TEX10: variants seen among roughly 807,000 people sequenced by gnomAD.
TEX10 encodes the protein testis expressed 10.
In TEX10, 24 loss-of-function variants were observed where a neutral mutation model predicts 104.4. The observed-to-expected ratio is 0.23, with a 90% confidence interval of 0.17 to 0.32. The LOEUF (loss-of-function observed/expected upper bound fraction) is 0.32. Ranked by LOEUF, TEX10 falls within the 10% of genes least tolerant of loss-of-function variation. The probability of loss-of-function intolerance (pLI) is 1.00; values close to 1 mark genes in which losing one functional copy is unlikely to be tolerated. For synonymous variants in TEX10, 396 were observed against 393.4 expected (o/e 1.01, Z -0.08); for missense variants, 921 against 1,083.9 (o/e 0.85, Z 2.11).
At chr9:100,335,571 G>T (rs907732608) in intron 5 of TEX10, among the ~76,000 whole-genome samples, 12 of 150,370 alleles carry the variant, frequency 8.0e-5, no homozygotes, top group South Asian at 4.2e-4. Context: ...AAACTGGCTT[G>T]TTTTTTTTTC....
rs1835378689 is a variant in TEX10, at chr9:100,349,227, T to C, written c.137A>G (p.Glu46Gly). The C allele has an allele frequency of 3.8e-6, 6 of 1,583,510 alleles. No homozygotes were observed. Among genetic ancestry groups the C allele is most frequent in the Non-Finnish European group, 5.1e-6 (6 of 1,170,072 alleles). ...KTIHLPEQLK[E>G]DGTLPTNNRK... ...ATTGTTTGTTGGAAGTGTTCCATCC[T>C]CTTTGAGTTGCTCAGGCAGATGTAT... The change falls in exon 2 of 15, where the codon GAG (glutamate) becomes GGG (glycine). Residue 46 changes from glutamate to glycine, a missense_variant. Glu to Gly is a moderately conservative substitution (Grantham distance 98). Around this residue, in one of 3 missense-constraint regions of TEX10, gnomAD observed 118 missense variants for 111.3 expected, o/e 1.06. Transcript: ENST00000374902.
At chr9:100,333,793 C>A (rs892216513) in intron 5 of TEX10, among the ~76,000 whole-genome samples, 1 of 152,108 alleles carries the variant, frequency 6.6e-6, no homozygotes, top group African/African-American at 2.4e-5. Flanking sequence ...ATTAATGGAA[C>A]ACAGTCCCAA....
At chr9:100,311,222 C>T (rs1338852238) in intron 11 of TEX10, among the ~76,000 whole-genome samples, 3 of 151,620 alleles carry the variant, frequency 2.0e-5, no homozygotes, top group Non-Finnish European at 4.4e-5. Context: ...CATAGTGGTA[C>T]CTCATCTAGA....
chr9:100,321,809 C>G, intron 9 of TEX10, 38 bp from the exon 10 acceptor site: 1 of 1,501,432 alleles, frequency 6.7e-7, no homozygotes, highest in Non-Finnish European at 9.2e-7. Flanking sequence ...CCAGAAGTGA[C>G]CAACTTGACA....
chr9:100,348,428 T>C (rs1835355555), intron 2 of TEX10, among the ~76,000 whole-genome samples: 1 of 152,164 alleles, frequency 6.6e-6, no homozygotes, highest in African/African-American at 2.4e-5. Flanking sequence ...AAATTATATC[T>C]CCATAAAGCT....
rs1834325950 is a variant in TEX10 at position 100,313,329 on chromosome 9, A to C, written c.2203-2950T>G. On this transcript the variant is annotated intron_variant, in intron 11 of 14. Transcript: ENST00000374902. The stretch of plus-strand genomic sequence containing the variant: ...CAGAAGTTCAAGACCAGCCTGGTCA[A>C]CATGGTGAAACCCTGTCTCTACTAA... Among the ~76,000 whole-genome samples the C allele has an allele frequency of 7.9e-5, 12 of 152,072 alleles. No homozygotes were observed. The South Asian group carries it at 2.5e-3, about 32-fold the overall frequency.
At chr9:100,324,303 G>A (rs1042166062) in intron 9 of TEX10, among the ~76,000 whole-genome samples, 3 of 152,268 alleles carry the variant, frequency 2.0e-5, no homozygotes, top group East Asian at 3.9e-4. Flanking sequence ...ATAGTGCTGG[G>A]ATTTACAGGT....
In TEX10 at chr9:100,326,260, A is replaced by G. The variant is rs777489849; in HGVS notation, c.1979+42T>C. 3.3e-5 allele frequency: 52 copies of G among 1,576,328 alleles called. 1 individual carries two copies. In the South Asian group the frequency reaches 5.9e-4, roughly 18 times the overall value. On this transcript the variant is annotated intron_variant, in intron 9 of 14. Coordinates refer to ENST00000374902, the MANE Select transcript of TEX10 (RefSeq NM_017746.4). ...TCACAAATTACCAGTAAAAGGGGAAAAAGATTATACACTTAAAATACAGCT... is the reference window on the plus strand; with the variant it reads ...TCACAAATTACCAGTAAAAGGGGAAGAAGATTATACACTTAAAATACAGCT...
chr9:100,345,120 T>C (rs1426646862), intron 4 of TEX10, among the ~76,000 whole-genome samples: 11 of 152,228 alleles, frequency 7.2e-5, no homozygotes. Flanking sequence ...TTATTAATTT[T>C]TTGCCAATGT....
chr9:100,326,306 T>C lies in TEX10; in HGVS notation c.1975A>G (p.Met659Val). 1.2e-6 allele frequency: 2 copies of C among 1,613,596 alleles called. No homozygotes were observed. Among genetic ancestry groups the C allele is most frequent in the Non-Finnish European group, 8.5e-7 (1 of 1,179,788 alleles). Residue 659 changes from methionine (M) to valine (V), a missense_variant, in exon 9 of 15, where the codon ATG becomes GTG. Around this residue, in one of 3 missense-constraint regions of TEX10, gnomAD observed 753 missense variants for 868.4 expected, o/e 0.87. Transcript: ENST00000374902. ...CAGCTCACTTGAGCATGCTACCTCATGTGCAGTATCCCGATAAGCATGGCA... is the reference window on the plus strand; with the variant it reads ...CAGCTCACTTGAGCATGCTACCTCACGTGCAGTATCCCGATAAGCATGGCA... Reference protein sequence around the residue: ...LAAMLIGILHMRSSFSGWKYS... With the variant: ...LAAMLIGILHVRSSFSGWKYS...
In TEX10 at chr9:100,352,077, T is replaced by C. The variant is rs141568787; in HGVS notation, c.-10+695A>G. ...TTTTTAGGATTTCAATCGAACTAAA[T>C]TCCAACTATAAATAGTTTGCCTGCC... On this transcript the variant is annotated intron_variant, in intron 1 of 14. Coordinates refer to ENST00000374902, the MANE Select transcript of TEX10 (RefSeq NM_017746.4). 3.7e-4 allele frequency among the ~76,000 whole-genome samples: 56 copies of C among 152,340 alleles called. No individual in the cohort carries two copies. In the East Asian group the frequency reaches 0.011, roughly 29 times the overall value.
intron 2 of TEX10, among the ~76,000 whole-genome samples, chr9:100,347,745 CTT>C (rs1424951965): frequency 6.6e-6 from 1 of 152,066 alleles, no homozygotes; most frequent in Non-Finnish European, 1.5e-5. Flanking sequence ...TATATATACT[CTT>C]GACAGGCCGT....
chr9:100,304,019 T>C (rs966654935), intron 13 of TEX10, 177 bp from the exon 14 acceptor site: 3 of 612,636 alleles, frequency 4.9e-6, no homozygotes, highest in African/African-American at 1.8e-5. Context: ...ACACACTAAA[T>C]ACCTAGGAAT....
chr9:100,333,146 T>C (rs1834911345), intron 5 of TEX10, among the ~76,000 whole-genome samples: 2 of 151,986 alleles, frequency 1.3e-5, no homozygotes, highest in Admixed American at 1.3e-4. Context: ...GTATTTTTAG[T>C]AGAGATGGGG....
chr9:100,347,746 T>C (rs1835335801), intron 2 of TEX10, among the ~76,000 whole-genome samples: 1 of 152,220 alleles, frequency 6.6e-6, no homozygotes, highest in African/African-American at 2.4e-5. Context: ...ATATATACTC[T>C]TGACAGGCCG....
intron 11 of TEX10, among the ~76,000 whole-genome samples, chr9:100,318,261 C>T (rs1208618016): frequency 1.3e-5 from 2 of 152,180 alleles, no homozygotes; most frequent in Non-Finnish European, 2.9e-5. Flanking sequence ...GATATTTACA[C>T]ACAATGAAAT....
intron 1 of TEX10, 94 bp downstream of exon 1, chr9:100,352,678 T>G: frequency 1.5e-6 from 2 of 1,357,116 alleles, no homozygotes; most frequent in East Asian, 3.1e-5. Context: ...CGGCCGACCC[T>G]GCCCGCTTGG....
intron 6 of TEX10, 103 bp from the exon 7 acceptor site, chr9:100,329,378 A>C: frequency 7.1e-7 from 1 of 1,410,426 alleles, no homozygotes; most frequent in Non-Finnish European, 9.6e-7. Context: ...TCCTATGGCA[A>C]AGCCAATTTT....
At chr9:100,352,613 C>T (rs1835486311) in intron 1 of TEX10, 159 bp downstream of exon 1, 2 of 1,481,474 alleles carry the variant, frequency 1.4e-6, no homozygotes, top group South Asian at 1.3e-5. Flanking sequence ...GCCGCACACC[C>T]AGGCCCAGCT....
Sources: allele counts gnomAD v4.1 joint callset (sites outside exome capture counted in the v4.1 genomes callset), GRCh38; gene constraint gnomAD v4.1.1; regional missense constraint gnomAD v4.1.1; transcripts MANE v1.5; gene names NCBI Gene and HGNC (gene_info 2026-07-23, HGNC 2026-07-21).